DGKI: variants seen among roughly 807,000 people sequenced by gnomAD.
DGKI encodes diacylglycerol kinase iota, also known as DAG kinase iota.
Under a neutral mutation model 147.5 loss-of-function variants are expected in DGKI, and 55 were observed. The observed-to-expected ratio is 0.37, with a 90% confidence interval of 0.30 to 0.47. The LOEUF (loss-of-function observed/expected upper bound fraction) is 0.47, where lower values mean the gene tolerates loss of function less well. Ranked by LOEUF, DGKI falls within the 20% of genes least tolerant of loss-of-function variation. The pLI is 1.00. For synonymous variants in DGKI, 469 were observed against 477.1 expected (o/e 0.98, Z 0.22); for missense variants, 1,007 against 1,323.8 (o/e 0.76, Z 3.71).
intron 28 of DGKI, among the ~76,000 whole-genome samples, chr7:137,427,784 T>C (rs1255499772): frequency 6.6e-6 from 1 of 152,128 alleles, no homozygotes; most frequent in African/African-American, 2.4e-5. Context: ...TCTACGCAAA[T>C]CAACTAGAAT....
chr7:137,617,396 C>T (rs931925450), intron 8 of DGKI, among the ~76,000 whole-genome samples: 2 of 151,700 alleles, frequency 1.3e-5, no homozygotes, highest in African/African-American at 4.8e-5. Flanking sequence ...AACTTTGGAT[C>T]CTGACTTGAA....
intron 17 of DGKI, among the ~76,000 whole-genome samples, chr7:137,575,837 G>C (rs550381983): frequency 2.0e-5 from 3 of 151,730 alleles, no homozygotes; most frequent in Non-Finnish European, 4.4e-5. Context: ...AATAGCAGCG[G>C]TAAAGGCCTT....
chr7:137,567,189 G>A (rs564364958), intron 19 of DGKI, among the ~76,000 whole-genome samples: 61 of 151,368 alleles, frequency 4.0e-4, no homozygotes, highest in African/African-American at 1.4e-3. Context: ...GCTTGAACTC[G>A]GGAGGCAGAG....
At chr7:137,433,357 G>A (rs1026881009) in intron 28 of DGKI, among the ~76,000 whole-genome samples, 3 of 152,178 alleles carry the variant, frequency 2.0e-5, no homozygotes, top group African/African-American at 7.2e-5. Context: ...GATATGTTTA[G>A]GGTAAGTCCA....
At chr7:137,707,050 T>C (rs1794059716) in intron 1 of DGKI, among the ~76,000 whole-genome samples, 1 of 152,232 alleles carries the variant, frequency 6.6e-6, no homozygotes, top group African/African-American at 2.4e-5. Flanking sequence ...CTATCCTTCC[T>C]AACAGTCTCC....
Position 137,395,985 on chromosome 7 carries a change from G to A in DGKI, c.2958-288C>T, listed in dbSNP as rs1260442275. The stretch of plus-strand genomic sequence containing the variant: ...CTATTTGATTTAGGTGATAGTCAAT[G>A]CAGTATTAAACAGACTAATTGTCTA... On this transcript the variant is annotated intron_variant, in intron 31 of 32. Transcript: ENST00000614521. The A allele has an allele frequency of 1.8e-5, 7 of 380,312 alleles. No individual in the cohort carries two copies. In the East Asian group the frequency reaches 3.3e-4, roughly 18 times the overall value. The allele number at this position is 380,312 out of a possible 1,614,324, so 23.6% of individuals were successfully genotyped here.
chr7:137,415,351 A>AT (rs1374535043), intron 28 of DGKI, among the ~76,000 whole-genome samples: 2 of 152,224 alleles, frequency 1.3e-5, no homozygotes, highest in East Asian at 3.9e-4. Flanking sequence ...TTTGCATTAG[A>AT]TTAGGTATTA....
intron 1 of DGKI, among the ~76,000 whole-genome samples, chr7:137,790,598 AT>A (rs1378996847): frequency 6.6e-6 from 1 of 152,184 alleles, no homozygotes; most frequent in African/African-American, 2.4e-5. Flanking sequence ...ATTTCTACCA[AT>A]TTGCAAACTT....
chr7:137,539,277 A>C lies in DGKI; in HGVS notation c.2147+13092T>G, dbSNP rs182896425. 2.0e-5 allele frequency among the ~76,000 whole-genome samples: 3 copies of C among 152,322 alleles called. No individual in the cohort carries two copies. The East Asian group carries it at 5.8e-4, about 29-fold the overall frequency. On this transcript the variant is annotated intron_variant, in intron 20 of 32. Coordinates refer to ENST00000614521, the MANE Select transcript of DGKI (RefSeq NM_001321708.2). ...ATGAACACAGTTACAGGCAGTATGC[A>C]GCAGAGTGAGGTAACTAAACCCTTA...
chr7:137,845,530 G>A (rs1563224755), intron 1 of DGKI, among the ~76,000 whole-genome samples: 1 of 152,094 alleles, frequency 6.6e-6, no homozygotes, highest in Non-Finnish European at 1.5e-5. Flanking sequence ...ATATCACCTC[G>A]ACCTTTAACA....
chr7:137,801,021 T>C (rs1363099949), intron 1 of DGKI, among the ~76,000 whole-genome samples: 2 of 152,264 alleles, frequency 1.3e-5, no homozygotes, highest in African/African-American at 2.4e-5. Flanking sequence ...TCAACAGTGA[T>C]CTAAGTGCTG....
chr7:137,645,638 T>A (rs1821798293), intron 5 of DGKI, 101 bp from the exon 6 acceptor site: 4 of 1,071,674 alleles, frequency 3.7e-6, no homozygotes, highest in Non-Finnish European at 5.3e-6. Flanking sequence ...ATAATCATAG[T>A]TCACTGCAGC....
At chr7:137,412,240 T>C (rs1425507309) in intron 28 of DGKI, 33 bp from the exon 29 acceptor site, 7 of 1,591,844 alleles carry the variant, frequency 4.4e-6, no homozygotes, top group Non-Finnish European at 4.3e-6. Flanking sequence ...GTCCCATTAG[T>C]AGAAGACCCT....
At chr7:137,612,861 T>G (rs2128994144) in intron 8 of DGKI, among the ~76,000 whole-genome samples, 1 of 152,300 alleles carries the variant, frequency 6.6e-6, no homozygotes, top group South Asian at 2.1e-4. Flanking sequence ...AAATGCTGTA[T>G]GTACCCTCAC....
chr7:137,845,844 A>C (rs548712546), intron 1 of DGKI, among the ~76,000 whole-genome samples: 1 of 152,098 alleles, frequency 6.6e-6, no homozygotes, highest in Non-Finnish European at 1.5e-5. Context: ...GCACGCAGGC[A>C]TGGAGCCCCC....
intron 27 of DGKI, among the ~76,000 whole-genome samples, chr7:137,461,501 A>C (rs1478461807): frequency 6.6e-6 from 1 of 152,230 alleles, no homozygotes; most frequent in Non-Finnish European, 1.5e-5. Context: ...AAATGGACAT[A>C]ATAATTTTAA....
Position 137,426,058 on chromosome 7 carries a change from G to T in DGKI, c.2762-13851C>A, listed in dbSNP as rs577503212. On this transcript the variant is annotated intron_variant, in intron 28 of 32. Coordinates refer to ENST00000614521, the MANE Select transcript of DGKI (RefSeq NM_001321708.2). ...CAGGAAATACAGAGAACGCCACAAAGATACTCCTCGAGAAGAGCAACTCCA... is the reference window on the plus strand; with the variant it reads ...CAGGAAATACAGAGAACGCCACAAATATACTCCTCGAGAAGAGCAACTCCA... 2.6e-4 allele frequency among the ~76,000 whole-genome samples: 39 copies of T among 152,252 alleles called. 2 individuals carry two copies. In the South Asian group the frequency reaches 8.1e-3, roughly 32 times the overall value.
intron 21 of DGKI, among the ~76,000 whole-genome samples, chr7:137,519,252 C>T (rs1816880552): frequency 6.6e-6 from 1 of 152,056 alleles, no homozygotes; most frequent in African/African-American, 2.4e-5. Flanking sequence ...ATTTAAAGGG[C>T]TGCCATCCAT....
rs189135746 is a variant in DGKI, at chr7:137,470,030, C to T, written c.2374-411G>A. Among the ~76,000 whole-genome samples the T allele has an allele frequency of 1.2e-4, 18 of 152,230 alleles. 1 individual carries two copies. In the East Asian group the frequency reaches 3.3e-3, roughly 28 times the overall value. On this transcript the variant is annotated intron_variant, in intron 23 of 32. Coordinates refer to ENST00000614521, the MANE Select transcript of DGKI (RefSeq NM_001321708.2). ...AATCAAACGTTATCTACTGGCCACACGGGACATACGGTACGTGAGAAAAAG... is the reference window on the plus strand; with the variant it reads ...AATCAAACGTTATCTACTGGCCACATGGGACATACGGTACGTGAGAAAAAG...
Sources: gnomAD v4.1 joint callset for allele counts (sites outside exome capture counted in the v4.1 genomes callset) on GRCh38, gnomAD v4.1.1 for gene constraint, MANE v1.5 for transcripts, NCBI Gene and HGNC (gene_info 2026-07-23, HGNC 2026-07-21) for gene names.